Variants in FKTN observed in about 807,000 individuals in gnomAD.
FKTN encodes the protein ribitol-5-phosphate transferase FKTN.
Under a neutral mutation model 58.6 loss-of-function variants are expected in FKTN, and 47 were observed. The observed-to-expected ratio is 0.80, with a 90% CI of 0.63 to 1.02. FKTN has a LOEUF of 1.02. Among genes scored for constraint, FKTN ranks in the 50% least tolerant of loss-of-function variants. The probability of loss-of-function intolerance (pLI) is 0.00; values close to 1 mark genes in which losing one functional copy is unlikely to be tolerated. For synonymous variants in FKTN, 178 were observed against 191.9 expected (o/e 0.93, Z 0.60); for missense variants, 516 against 537.3 (o/e 0.96, Z 0.39).
intron 3 of FKTN, among the ~76,000 whole-genome samples, chr9:105,585,183 G>C (rs1843689715): frequency 6.6e-6 from 1 of 152,172 alleles, no homozygotes; most frequent in African/African-American, 2.4e-5. Context: ...CCAGCACTTT[G>C]GGAGGCTTAG....
chr9:105,596,555 TG>T, intron 3 of FKTN, 42 bp from the exon 4 acceptor site: 2 of 1,309,374 alleles, frequency 1.5e-6, no homozygotes, highest in Non-Finnish European at 2.2e-6. Flanking sequence ...TGTTGCATGC[TG>T]GACTTTGAAT....
At chr9:105,624,444 A>G (rs910291553) in intron 10 of FKTN, 1 of 152,026 alleles carries the variant, frequency 6.6e-6, no homozygotes, top group East Asian at 1.9e-4. Context: ...CTTGGGCAAC[A>G]GAATAAACCC....
intron 3 of FKTN, 49 bp from the exon 4 acceptor site, chr9:105,596,549 G>A (rs1826837336): frequency 8.6e-7 from 1 of 1,166,476 alleles, no homozygotes; most frequent in Non-Finnish European, 1.3e-6. Flanking sequence ...ATGTAATGTT[G>A]CATGCTGGAC....
intron 6 of FKTN, among the ~76,000 whole-genome samples, chr9:105,606,977 T>C (rs1238709912): frequency 6.6e-6 from 1 of 152,012 alleles, no homozygotes; most frequent in South Asian, 2.1e-4. Flanking sequence ...TTTTTGCCTG[T>C]TTTTTTCTTA....
intron 3 of FKTN, among the ~76,000 whole-genome samples, chr9:105,575,711 C>T (rs112396719): frequency 0.011 from 1,615 of 152,270 alleles, 25 homozygotes; most frequent in African/African-American, 0.037. Context: ...GTACTAGATG[C>T]TTTCCATGCT....
chr9:105,571,686 A>G (rs980539711), intron 1 of FKTN, among the ~76,000 whole-genome samples: 5 of 152,224 alleles, frequency 3.3e-5, no homozygotes, highest in African/African-American at 1.2e-4. Context: ...AGATTTCACT[A>G]GGAATCAGCA....
chr9:105,637,580 G>A lies in FKTN; in HGVS notation c.*2316G>A. ...GGAGTGTCCAGAGACCTTGGGTTAG[G>A]TATATCCATCTTCAGTACCTCATTG... On this transcript the variant is annotated 3_prime_UTR_variant, in exon 11 of 11. Transcript: ENST00000357998. The A allele has an allele frequency of 1.0e-6, 1 of 985,354 alleles. No individual in the cohort carries two copies. 61.0% of individuals were successfully genotyped at this position (985,354 alleles called of 1,614,324 possible). A position where few individuals can be genotyped will look rare whatever the true frequency, so the allele number is the denominator to read the frequency against.
In FKTN at chr9:105,592,404, C is replaced by T. The variant is rs189637747; in HGVS notation, c.106-4194C>T. Among the ~76,000 whole-genome samples the T allele has an allele frequency of 8.6e-3, 1,314 of 152,142 alleles. 13 individuals are homozygous for T. Among genetic ancestry groups the T allele is most frequent in the Middle Eastern group, 0.024 (7 of 294 alleles). ...CTATAATCTCAGCACTTTGGTAGGC[C>T]GAGTTGGGTGGATCACAAGGTCAGG... On this transcript the variant is annotated intron_variant, in intron 3 of 10. Transcript: ENST00000357998.
Position 105,637,621 on chromosome 9 carries a change from A to G in FKTN, c.*2357A>G, listed in dbSNP as rs764054657. 5 of 985,364 alleles carry G rather than the reference A, an allele frequency of 5.1e-6. No individual in the cohort carries two copies. The highest frequency in any genetic ancestry group is 6.0e-6 in the Non-Finnish European group (5 of 829,922). 61.0% of individuals were successfully genotyped at this position (985,364 alleles called of 1,614,324 possible). On this transcript the variant is annotated 3_prime_UTR_variant, in exon 11 of 11. Transcript: ENST00000357998. Reference sequence around the variant, plus strand: ...TACCTCATTGGATCACTTTTCTTTCATCACTTGAGTATTCTAGCAGTCATT... The same window carrying G: ...TACCTCATTGGATCACTTTTCTTTCGTCACTTGAGTATTCTAGCAGTCATT...
intron 1 of FKTN, among the ~76,000 whole-genome samples, chr9:105,562,358 T>C (rs1338527077): frequency 1.3e-5 from 2 of 152,162 alleles, no homozygotes; most frequent in African/African-American, 4.8e-5. Flanking sequence ...GTGTGAAAAA[T>C]GGTCCTTGTG....
chr9:105,564,669 C>A (rs957085989), intron 1 of FKTN, among the ~76,000 whole-genome samples: 1 of 152,090 alleles, frequency 6.6e-6, no homozygotes. Context: ...AATCTGCGTC[C>A]GATTGGTGTA....
chr9:105,610,464 C>A (rs1026370133), intron 7 of FKTN, among the ~76,000 whole-genome samples: 6 of 152,042 alleles, frequency 3.9e-5, no homozygotes, highest in Non-Finnish European at 8.8e-5. Flanking sequence ...CGTGAGAAAT[C>A]TGACTCCCAT....
intron 1 of FKTN, among the ~76,000 whole-genome samples, chr9:105,565,052 T>G (rs1839157496): frequency 6.6e-6 from 1 of 152,104 alleles, no homozygotes; most frequent in Admixed American, 6.5e-5. Flanking sequence ...CAAACTAAGC[T>G]TCATAAGTGA....
chr9:105,615,588 T>TA (rs2093943768), intron 8 of FKTN, among the ~76,000 whole-genome samples, 181 bp downstream of exon 8: 1 of 152,132 alleles, frequency 6.6e-6, no homozygotes, highest in Admixed American at 6.5e-5. Flanking sequence ...TTGAGAATTA[T>TA]AAAAAAGAAT....
At chr9:105,568,038 G>A (rs1840014029) in intron 1 of FKTN, among the ~76,000 whole-genome samples, 1 of 152,108 alleles carries the variant, frequency 6.6e-6, no homozygotes, top group Non-Finnish European at 1.5e-5. Flanking sequence ...ACAAGAAATG[G>A]GGAAAGGATT....
At chr9:105,558,690 A>G (rs183966152) in intron 1 of FKTN, among the ~76,000 whole-genome samples, 7 of 152,194 alleles carry the variant, frequency 4.6e-5, no homozygotes, top group Admixed American at 3.9e-4. Flanking sequence ...GCTTTTGAAG[A>G]TAGCACGTTT....
chr9:105,627,281 C>T (rs1185593400), intron 10 of FKTN, among the ~76,000 whole-genome samples: 1 of 151,958 alleles, frequency 6.6e-6, no homozygotes, highest in Non-Finnish European at 1.5e-5. Context: ...CTTCTTTACT[C>T]TCTTAATAGT....
chr9:105,579,590 G>A (rs1433907861), intron 3 of FKTN, among the ~76,000 whole-genome samples: 1 of 150,538 alleles, frequency 6.6e-6, no homozygotes, highest in Non-Finnish European at 1.5e-5. Context: ...TTCCAAGTAT[G>A]TGGTCAATTT....
At chr9:105,575,466 C>T (rs376646183) in intron 3 of FKTN, among the ~76,000 whole-genome samples, 4 of 152,006 alleles carry the variant, frequency 2.6e-5, no homozygotes, top group East Asian at 1.9e-4. Flanking sequence ...TATTTTAGTA[C>T]AGCATATATT....
Sources: gnomAD v4.1 joint callset for allele counts (sites outside exome capture counted in the v4.1 genomes callset) on GRCh38, gnomAD v4.1.1 for gene constraint, MANE v1.5 for transcripts, NCBI Gene and HGNC (gene_info 2026-07-23, HGNC 2026-07-21) for gene names.